Variants in EDA observed in about 807,000 individuals in gnomAD.
EDA encodes ectodysplasin A, also known as ectodysplasin-A.
In EDA, 2 loss-of-function variants were observed where a neutral mutation model predicts 23.6. The observed-to-expected ratio is 0.08, with a 90% CI of 0.03 to 0.27. EDA has a LOEUF of 0.27. Among genes scored for constraint, EDA ranks in the 10% least tolerant of loss-of-function variants. The pLI is 1.00. For missense variants in EDA, 229 were observed against 324.2 expected (o/e 0.71, Z 2.26); for synonymous variants, 131 against 132.0 (o/e 0.99, Z 0.05).
At chrX:69,673,990 C>T (rs1404293729) in intron 1 of EDA, among the ~76,000 whole-genome samples, 1 of 111,543 alleles carries the variant, frequency 9.0e-6, no homozygotes, top group Non-Finnish European at 1.9e-5. Flanking sequence ...AACCCTGCTG[C>T]CCCGTCAAGC....
chrX:69,875,895 A>G (rs1342448130), intron 1 of EDA, among the ~76,000 whole-genome samples: 1 of 112,241 alleles, frequency 8.9e-6, no homozygotes, highest in Non-Finnish European at 1.9e-5. Context: ...AAAATGCTCA[A>G]CATCACAAAT....
intron 1 of EDA, among the ~76,000 whole-genome samples, chrX:69,714,512 A>T (rs1035814946): frequency 9.0e-6 from 1 of 111,630 alleles, no homozygotes; most frequent in Admixed American, 9.6e-5. Flanking sequence ...CCTGTTTTTA[A>T]AAAAGGTTTT....
intron 1 of EDA, among the ~76,000 whole-genome samples, chrX:69,730,123 C>T (rs1187543974): frequency 9.0e-6 from 1 of 111,594 alleles, no homozygotes; most frequent in African/African-American, 3.3e-5. Flanking sequence ...CTCAGCCTCC[C>T]AAAGTGCTGG....
At chrX:69,976,773 G>A (rs941852382) in intron 2 of EDA, among the ~76,000 whole-genome samples, 1 of 108,591 alleles carries the variant, frequency 9.2e-6, no homozygotes, top group South Asian at 4.1e-4. Flanking sequence ...GGGGAGGGGG[G>A]GTGGAAAAGG....
intron 1 of EDA, among the ~76,000 whole-genome samples, chrX:69,621,285 A>G (rs929956944): frequency 8.0e-5 from 9 of 112,439 alleles, no homozygotes; most frequent in African/African-American, 2.9e-4. Context: ...GGACCATTTT[A>G]TCTAACTCCT....
chrX:69,963,809 T>C (rs1180476005), intron 2 of EDA, among the ~76,000 whole-genome samples: 1 of 111,350 alleles, frequency 9.0e-6, no homozygotes, highest in Non-Finnish European at 1.9e-5. Flanking sequence ...CTAAATTGAA[T>C]TGGGTATAGA....
chrX:69,687,322 C>G (rs1934579969), intron 1 of EDA, among the ~76,000 whole-genome samples: 1 of 105,805 alleles, frequency 9.5e-6, no homozygotes, highest in African/African-American at 3.4e-5. Flanking sequence ...AGTCTCTTAT[C>G]AGATATTTAA....
chrX:69,705,236 A>G (rs1569302387), intron 1 of EDA, among the ~76,000 whole-genome samples: 3 of 106,069 alleles, frequency 2.8e-5, no homozygotes, highest in African/African-American at 1.0e-4. Flanking sequence ...AAAAAAAAAA[A>G]AAAGAAAGAA....
At chrX:70,021,618 G>T (rs905857896) in intron 2 of EDA, among the ~76,000 whole-genome samples, 3 of 111,937 alleles carry the variant, frequency 2.7e-5, no homozygotes, top group African/African-American at 9.8e-5. Flanking sequence ...AATTCATAAA[G>T]GATGGGTAAC....
In EDA at chrX:69,956,062, T is replaced by C. The variant is rs140898234; in HGVS notation, c.397-965T>C. On this transcript the variant is annotated intron_variant, in intron 1 of 7. Coordinates refer to ENST00000374552, the MANE Select transcript of EDA (RefSeq NM_001399.5). ...GGACCAGGTACCAAAATTAGTCTTA[T>C]AGACCACAAGTGCTATAGGAATCTC... 5.5e-3 allele frequency among the ~76,000 whole-genome samples: 613 copies of C among 112,087 alleles called. 4 individuals carry two copies. Among genetic ancestry groups the C allele is most frequent in the African/African-American group, 0.019 (573 of 30,872 alleles).
intron 1 of EDA, among the ~76,000 whole-genome samples, chrX:69,652,855 G>A (rs1249201965): frequency 1.8e-5 from 2 of 112,095 alleles, no homozygotes; most frequent in African/African-American, 3.2e-5. Context: ...ACAAAGTCCA[G>A]TACCATGCTG....
rs775682903 is a variant in EDA at position 70,030,624 on chromosome X, A to AC, written c.793+106dup. The AC allele has an allele frequency of 5.9e-5, 44 of 751,571 alleles. No individual in the cohort carries two copies. In the African/African-American group the frequency reaches 6.5e-4, roughly 11 times the overall value. 61.9% of individuals were successfully genotyped at this position (751,571 alleles called of 1,213,427 possible). On this transcript the variant is annotated intron_variant, in intron 6 of 7. Coordinates refer to ENST00000374552, the MANE Select transcript of EDA (RefSeq NM_001399.5). Reference sequence around the variant, plus strand: ...CTAGTTCCTCCCAGGCCGCTGAGGTACCGTTGGCATACGAAGTCATTCTTT... The same window carrying AC: ...CTAGTTCCTCCCAGGCCGCTGAGGTACCCGTTGGCATACGAAGTCATTCTTT...
chrX:69,735,123 A>T (rs2013202965), intron 1 of EDA, among the ~76,000 whole-genome samples: 1 of 111,826 alleles, frequency 8.9e-6, no homozygotes, highest in Non-Finnish European at 1.9e-5. Context: ...AAACAACCCA[A>T]GTGTTCATTG....
At chrX:69,682,301 G>A (rs1238023149) in intron 1 of EDA, among the ~76,000 whole-genome samples, 1 of 112,590 alleles carries the variant, frequency 8.9e-6, no homozygotes, top group Non-Finnish European at 1.9e-5. Flanking sequence ...CCCCAGAGGT[G>A]GAGCCTACAG....
intron 1 of EDA, among the ~76,000 whole-genome samples, chrX:69,686,157 C>T (rs748730018): frequency 4.5e-5 from 5 of 111,990 alleles, no homozygotes; most frequent in Admixed American, 1.9e-4. Context: ...TACAGGCATC[C>T]GCCACCATGC....
At chrX:69,632,525 GCAATCT>G (rs1292217425) in intron 1 of EDA, among the ~76,000 whole-genome samples, 2 of 112,160 alleles carry the variant, frequency 1.8e-5, no homozygotes, top group Non-Finnish European at 3.8e-5. Context: ...TAGTTACCTA[GCAATCT>G]TTCTTTCTGT....
At chrX:69,733,419 T>C (rs1225349046) in intron 1 of EDA, among the ~76,000 whole-genome samples, 1 of 111,580 alleles carries the variant, frequency 9.0e-6, no homozygotes, top group Non-Finnish European at 1.9e-5. Flanking sequence ...TGTAGATGTG[T>C]GGTATTATTT....
In EDA at chrX:70,036,198, T is replaced by G. The variant is rs751872919; in HGVS notation, c.*589T>G. ...TCTATACTGTGGCCTGCAGGAGGGT[T>G]GGAGTGCTCTTCCCACTCCAGCTGA... On this transcript the variant is annotated 3_prime_UTR_variant, in exon 8 of 8. Transcript: ENST00000374552. 2 of 112,599 alleles carry G rather than the reference T, an allele frequency of 1.8e-5. No homozygotes were observed. The highest frequency in any genetic ancestry group is 7.5e-4 in the South Asian group (2 of 2,660). The allele number at this position is 112,599 out of a possible 1,213,427, so 9.3% of individuals were successfully genotyped here. A position where few individuals can be genotyped will look rare whatever the true frequency, so the allele number is the denominator to read the frequency against.
intron 1 of EDA, among the ~76,000 whole-genome samples, chrX:69,801,219 C>T (rs1055152685): frequency 2.7e-5 from 3 of 110,929 alleles, no homozygotes; most frequent in African/African-American, 6.6e-5. Flanking sequence ...CTTGCTCTAT[C>T]GCCCAGGCTG....
Sources: allele counts gnomAD v4.1 joint callset (sites outside exome capture counted in the v4.1 genomes callset), GRCh38; gene constraint gnomAD v4.1.1; transcripts MANE v1.5; gene names NCBI Gene and HGNC (gene_info 2026-07-23, HGNC 2026-07-21).